Variants in DMC1 observed in about 807,000 individuals in gnomAD.
The protein encoded by DMC1 is meiotic recombination protein DMC1 homolog.
A neutral mutation model predicts 50.1 loss-of-function variants in DMC1; 27 were observed. That is an observed-to-expected ratio of 0.54 (90% CI 0.40 to 0.74). The LOEUF is 0.74. DMC1 is among the 30% of genes least tolerant of loss of function. The pLI is 0.00. For missense variants in DMC1, 295 were observed against 420.2 expected (o/e 0.70, Z 2.60); for synonymous variants, 148 against 136.1 (o/e 1.09, Z -0.61).
chr22:38,526,210 A>AT lies in DMC1; in HGVS notation c.837-4487dup, dbSNP rs951198000. On this transcript the variant is annotated intron_variant, in intron 12 of 13. Transcript: ENST00000216024. ...TCAGGATTTTGTGTCAAATTTATGGATTTTTTTTTTTTGAGACGGAGTCTT... is the reference window on the plus strand; with the variant it reads ...TCAGGATTTTGTGTCAAATTTATGGATTTTTTTTTTTTTGAGACGGAGTCTT... Among the ~76,000 whole-genome samples, 437 of 146,080 alleles carry AT rather than the reference A, an allele frequency of 3.0e-3. 2 individuals carry two copies. Among genetic ancestry groups the AT allele is most frequent in the African/African-American group, 9.5e-3 (380 of 40,110 alleles).
intron 12 of DMC1, among the ~76,000 whole-genome samples, chr22:38,524,064 C>G (rs1488023825): frequency 6.6e-6 from 1 of 152,120 alleles, no homozygotes; most frequent in African/African-American, 2.4e-5. Flanking sequence ...CTCCTTAAGC[C>G]CCCTTTTCCA....
chr22:38,542,869 G>A (rs1036277510), intron 8 of DMC1, among the ~76,000 whole-genome samples: 1 of 152,070 alleles, frequency 6.6e-6, no homozygotes, highest in East Asian at 1.9e-4. Context: ...TAGACCAATG[G>A]AACAGAATAT....
intron 7 of DMC1, among the ~76,000 whole-genome samples, chr22:38,552,028 T>G (rs560055959): frequency 6.6e-6 from 1 of 151,844 alleles, no homozygotes; most frequent in African/African-American, 2.4e-5. Flanking sequence ...GCCCGGCTAA[T>G]TTTTTTGTAT....
chr22:38,547,547 T>G (rs79501166), intron 8 of DMC1, among the ~76,000 whole-genome samples: 3 of 143,024 alleles, frequency 2.1e-5, no homozygotes, highest in African/African-American at 5.4e-5. Flanking sequence ...TTTGTTTTTG[T>G]TTTTTTTTTT....
At chr22:38,538,504 A>C in intron 10 of DMC1, 35 bp downstream of exon 10, 1 of 1,608,810 alleles carries the variant, frequency 6.2e-7, no homozygotes. Context: ...ATTATGCTAA[A>C]TAGCTCTGTG....
At chr22:38,533,608 C>T (rs1284686468) in intron 12 of DMC1, among the ~76,000 whole-genome samples, 1 of 152,012 alleles carries the variant, frequency 6.6e-6, no homozygotes, top group Non-Finnish European at 1.5e-5. Flanking sequence ...TGATGCATTG[C>T]TTCTGTTTTA....
chr22:38,544,118 T>C (rs1017368439), intron 8 of DMC1, among the ~76,000 whole-genome samples: 1 of 152,066 alleles, frequency 6.6e-6, no homozygotes, highest in Non-Finnish European at 1.5e-5. Context: ...CCAGAATATA[T>C]AAAAAGTTCA....
chr22:38,552,251 C>T (rs892442366), intron 7 of DMC1, among the ~76,000 whole-genome samples: 2 of 152,108 alleles, frequency 1.3e-5, no homozygotes, highest in African/African-American at 2.4e-5. Flanking sequence ...AGATATCTTT[C>T]GTTATTTTGT....
chr22:38,529,723 T>G (rs904285523), intron 12 of DMC1, among the ~76,000 whole-genome samples: 3 of 152,170 alleles, frequency 2.0e-5, no homozygotes, highest in African/African-American at 4.8e-5. Flanking sequence ...CACACATTTT[T>G]AAATTCTGGA....
At chr22:38,557,097 G>A (rs574595417) in intron 5 of DMC1, among the ~76,000 whole-genome samples, 17 of 152,156 alleles carry the variant, frequency 1.1e-4, no homozygotes, top group Non-Finnish European at 2.1e-4. Flanking sequence ...AGGTAAACGT[G>A]TGCCATGGTG....
chr22:38,569,420 TA>T (rs965886843), intron 1 of DMC1: 2 of 152,074 alleles, frequency 1.3e-5, no homozygotes, highest in Admixed American at 1.3e-4. Context: ...CCATTAATAC[TA>T]AGGCAGGAGC....
intron 12 of DMC1, among the ~76,000 whole-genome samples, 159 bp downstream of exon 12, chr22:38,537,433 C>A (rs1199465043): frequency 1.3e-5 from 2 of 152,034 alleles, no homozygotes; most frequent in African/African-American, 4.8e-5. Flanking sequence ...AGGCTGGTCT[C>A]CATCTCCTGA....
chr22:38,516,010 A>G (rs1486952854), downstream of DMC1, among the ~76,000 whole-genome samples: 1 of 152,110 alleles, frequency 6.6e-6, no homozygotes, highest in African/African-American at 2.4e-5. Context: ...TAGGCCAGAA[A>G]TAGACCAGAC....
Position 38,559,295 on chromosome 22 carries a change from C to T in DMC1, c.326+2992G>A, listed in dbSNP as rs552435629. Among the ~76,000 whole-genome samples the T allele has an allele frequency of 7.2e-5, 11 of 152,074 alleles. No individual in the cohort carries two copies. In the South Asian group the frequency reaches 2.3e-3, roughly 32 times the overall value. On this transcript the variant is annotated intron_variant, in intron 5 of 13. Coordinates refer to ENST00000216024, the MANE Select transcript of DMC1 (RefSeq NM_007068.4). ...ATCCACCCGCCTCGGCCTCCCAAAA[C>T]GCTGGGATTAAAGGTGTGAGCCACC...
intron 1 of DMC1, among the ~76,000 whole-genome samples, chr22:38,568,710 T>C (rs978530428): frequency 5.3e-5 from 8 of 152,242 alleles, no homozygotes; most frequent in Admixed American, 4.6e-4. Flanking sequence ...TCATTCTTCC[T>C]TGTGTCCTCC....
At chr22:38,516,635 GA>G (rs2089978501), downstream of DMC1, among the ~76,000 whole-genome samples, 1 of 152,094 alleles carries the variant, frequency 6.6e-6, no homozygotes, top group African/African-American at 2.4e-5. Context: ...GCTTGTAGAA[GA>G]AAGTTTATTA....
chr22:38,565,943 T>C (rs2090576554), intron 4 of DMC1, among the ~76,000 whole-genome samples: 1 of 152,122 alleles, frequency 6.6e-6, no homozygotes, highest in African/African-American at 2.4e-5. Context: ...GGTATGATAT[T>C]TGAGGAGACA....
chr22:38,528,273 A>G (rs990039473), intron 12 of DMC1, among the ~76,000 whole-genome samples: 6 of 151,588 alleles, frequency 4.0e-5, no homozygotes, highest in Non-Finnish European at 8.8e-5. Flanking sequence ...CATGTTAGCC[A>G]GGATGGTCTC....
At chr22:38,564,797 CT>C (rs2090565225) in intron 4 of DMC1, among the ~76,000 whole-genome samples, 1 of 152,174 alleles carries the variant, frequency 6.6e-6, no homozygotes, top group African/African-American at 2.4e-5. Context: ...CTGAGTACTG[CT>C]CCAGGGCTTT....
Sources: gnomAD v4.1 joint callset for allele counts (sites outside exome capture counted in the v4.1 genomes callset) on GRCh38, gnomAD v4.1.1 for gene constraint, MANE v1.5 for transcripts, NCBI Gene and HGNC (gene_info 2026-07-23, HGNC 2026-07-21) for gene names.